PPP1R21: variants seen among roughly 807,000 people sequenced by gnomAD.
PPP1R21 encodes the protein KLRAQ motif containing 1.
Under a neutral mutation model 112.8 loss-of-function variants are expected in PPP1R21, and 85 were observed. That is an observed-to-expected ratio of 0.75 (90% CI 0.63 to 0.90). The LOEUF (loss-of-function observed/expected upper bound fraction) is 0.90, where lower values mean the gene tolerates loss of function less well. Among genes scored for constraint, PPP1R21 ranks in the 40% least tolerant of loss-of-function variants. PPP1R21 has a pLI of 0.00. For missense variants in PPP1R21, 1,199 were observed against 901.5 expected (o/e 1.33, Z -4.23); for synonymous variants, 381 against 322.3 (o/e 1.18, Z -1.95).
rs1163932500 is a variant in PPP1R21 at position 48,514,986 on chromosome 2, A to G, written c.*242A>G. 2.0e-6 allele frequency: 1 copy of G among 500,230 alleles called. No individual in the cohort carries two copies. Among genetic ancestry groups the G allele is most frequent in the Non-Finnish European group, 3.5e-6 (1 of 285,238 alleles). The allele number at this position is 500,230 out of a possible 1,614,324, so 31.0% of individuals were successfully genotyped here. On this transcript the variant is annotated 3_prime_UTR_variant, in exon 22 of 22. Coordinates refer to ENST00000294952, the MANE Select transcript of PPP1R21 (RefSeq NM_001135629.3). Reference sequence around the variant, plus strand: ...ACAATACGTATGTCATGGATATTGTAGGTTTCCTTATGCTGTTTTTACTGT... The same window carrying G: ...ACAATACGTATGTCATGGATATTGTGGGTTTCCTTATGCTGTTTTTACTGT...
rs776134965 is a variant in PPP1R21 at position 48,514,703 on chromosome 2, T to C, written c.2314-12T>C. ...GTTTATGTTCTTATTGTTGATATTT[T>C]TCTTTGCACAGGGGAATTCTAAAAA... On this transcript the variant is annotated splice_polypyrimidine_tract_variant and intron_variant, in intron 21 of 21. Coordinates refer to ENST00000294952, the MANE Select transcript of PPP1R21 (RefSeq NM_001135629.3). The C allele has an allele frequency of 2.5e-6, 4 of 1,584,534 alleles. No individual in the cohort carries two copies. The highest frequency in any genetic ancestry group is 3.5e-6 in the Non-Finnish European group (4 of 1,154,838).
chr2:48,472,728 C>T (rs1053947991), intron 11 of PPP1R21, among the ~76,000 whole-genome samples: 2 of 151,608 alleles, frequency 1.3e-5, no homozygotes, highest in African/African-American at 4.8e-5. Context: ...GCGGGAAGAT[C>T]ACTTGAGGCC....
At chr2:48,508,927 G>A (rs1309538115) in intron 19 of PPP1R21, among the ~76,000 whole-genome samples, 1 of 151,896 alleles carries the variant, frequency 6.6e-6, no homozygotes, top group Non-Finnish European at 1.5e-5. Context: ...TTCCTTATTG[G>A]TAAACAGGAA....
At chr2:48,452,546 AAAAT>A (rs1211341247) in intron 2 of PPP1R21, among the ~76,000 whole-genome samples, 2 of 150,666 alleles carry the variant, frequency 1.3e-5, no homozygotes, top group African/African-American at 2.4e-5. Context: ...AATTATGAGA[AAAAT>A]AAATTATTTT....
intron 19 of PPP1R21, among the ~76,000 whole-genome samples, chr2:48,508,078 TAA>T (rs1189438492): frequency 2.3e-4 from 32 of 139,644 alleles, no homozygotes; most frequent in Non-Finnish European, 2.3e-4. Context: ...ACTCTGCCTT[TAA>T]AAAAAAAAAA....
At chr2:48,453,740 T>A (rs181086454) in intron 2 of PPP1R21, among the ~76,000 whole-genome samples, 6 of 152,352 alleles carry the variant, frequency 3.9e-5, no homozygotes, top group Admixed American at 2.6e-4. Context: ...TCATTTAGCT[T>A]TAAAGTGAAT....
At chr2:48,498,382 T>A (rs1558510461) in intron 16 of PPP1R21, 111 bp from the exon 17 acceptor site, 1 of 983,926 alleles carries the variant, frequency 1.0e-6, no homozygotes, top group Non-Finnish European at 1.5e-6. Context: ...TTTATTATTA[T>A]ATTTTTACCT....
At position 48,491,130 on chromosome 2, in the gene PPP1R21, A is replaced by G. The variant is rs1669544386; in HGVS notation, c.1559A>G (p.Tyr520Cys). The G allele has an allele frequency of 6.2e-7, 1 of 1,614,122 alleles. No individual in the cohort carries two copies. The highest frequency in any genetic ancestry group is 8.5e-7 in the Non-Finnish European group (1 of 1,180,004). ...SPLSAECMLQ[Y>C]KKKAAAYMKS... ...CTTTCAGCTGAATGCATGCTACAGT[A>G]TAAGAAAAAAGCTGCTGCCTATATG... Residue 520 changes from tyrosine (Y) to cysteine (C), a missense_variant, in exon 15 of 22, where the codon TAT becomes TGT. Tyr to Cys is a radical substitution (Grantham distance 194). Coordinates refer to ENST00000294952, the MANE Select transcript of PPP1R21 (RefSeq NM_001135629.3).
At chr2:48,506,773 GTC>G (rs1431670292) in intron 18 of PPP1R21, among the ~76,000 whole-genome samples, 1 of 152,010 alleles carries the variant, frequency 6.6e-6, no homozygotes, top group Non-Finnish European at 1.5e-5. Flanking sequence ...GTGAAACCCC[GTC>G]TCTACTAAAA....
intron 2 of PPP1R21, among the ~76,000 whole-genome samples, chr2:48,451,518 A>T (rs1667466649): frequency 6.6e-6 from 1 of 152,150 alleles, no homozygotes; most frequent in South Asian, 2.1e-4. Flanking sequence ...CCTTTAGTTG[A>T]GTTATTTAAT....
intron 15 of PPP1R21, among the ~76,000 whole-genome samples, chr2:48,494,661 C>G (rs539358728): frequency 2.0e-5 from 3 of 151,942 alleles, no homozygotes; most frequent in Admixed American, 6.6e-5. Context: ...GGAAGTCCAC[C>G]CGCCTCGGCC....
At chr2:48,449,214 G>C (rs1403594720) in intron 1 of PPP1R21, among the ~76,000 whole-genome samples, 1 of 151,974 alleles carries the variant, frequency 6.6e-6, no homozygotes, top group African/African-American at 2.4e-5. Flanking sequence ...TTTTGAATCT[G>C]TTCTAATAAT....
chr2:48,462,146 A>T (rs1192673751), intron 7 of PPP1R21, among the ~76,000 whole-genome samples: 1 of 152,174 alleles, frequency 6.6e-6, no homozygotes, highest in East Asian at 1.9e-4. Context: ...TTCCTTCTGA[A>T]TCATGGATTT....
chr2:48,514,535 T>A (rs957215439), intron 21 of PPP1R21, among the ~76,000 whole-genome samples, 180 bp from the exon 22 acceptor site: 1 of 152,196 alleles, frequency 6.6e-6, no homozygotes, highest in Admixed American at 6.5e-5. Context: ...AGAGAGAGTA[T>A]AACAAACTGC....
chr2:48,482,953 C>G (rs1669092212), intron 13 of PPP1R21, among the ~76,000 whole-genome samples: 1 of 152,046 alleles, frequency 6.6e-6, no homozygotes. Context: ...CACCCTCCAT[C>G]AGGCTCCAGT....
At chr2:48,462,306 T>C (rs1668010156) in intron 7 of PPP1R21, among the ~76,000 whole-genome samples, 1 of 152,188 alleles carries the variant, frequency 6.6e-6, no homozygotes, top group Admixed American at 6.5e-5. Flanking sequence ...AATTGGTAAG[T>C]CAAAATTTCT....
chr2:48,497,823 T>C (rs1001469303), intron 16 of PPP1R21, among the ~76,000 whole-genome samples: 1 of 151,982 alleles, frequency 6.6e-6, no homozygotes. Context: ...GGCTAATTTT[T>C]TGTATTTTTA....
intron 12 of PPP1R21, among the ~76,000 whole-genome samples, chr2:48,475,446 A>G (rs548318546): frequency 1.3e-5 from 2 of 152,310 alleles, no homozygotes; most frequent in African/African-American, 4.8e-5. Context: ...TGTTTTTTGT[A>G]TGGAAAGGAA....
intron 17 of PPP1R21, 94 bp from the exon 18 acceptor site, chr2:48,505,470 G>A: frequency 1.1e-6 from 1 of 925,748 alleles, no homozygotes; most frequent in South Asian, 1.4e-5. Flanking sequence ...TCAATGCTCT[G>A]TGAACGGAGA....
Sources: allele counts gnomAD v4.1 joint callset (sites outside exome capture counted in the v4.1 genomes callset), GRCh38; gene constraint gnomAD v4.1.1; transcripts MANE v1.5; gene names NCBI Gene and HGNC (gene_info 2026-07-23, HGNC 2026-07-21).